Variants in BRSK2 observed in about 807,000 individuals in gnomAD.
The protein encoded by BRSK2 is BR serine/threonine kinase 2.
In BRSK2, 19 loss-of-function variants were observed where a neutral mutation model predicts 83.3. The ratio of observed to expected loss-of-function variants is 0.23; its 90% CI spans 0.16 to 0.33. The LOEUF is 0.33. BRSK2 is among the 10% of genes least tolerant of loss of function. The pLI is 1.00. For synonymous variants in BRSK2, 519 were observed against 435.4 expected (o/e 1.19, Z -2.39); for missense variants, 798 against 1,042.3 (o/e 0.77, Z 3.23).
chr11:1,425,716 G>A (rs968946924), intron 1 of BRSK2, among the ~76,000 whole-genome samples: 1 of 152,160 alleles, frequency 6.6e-6, no homozygotes, highest in East Asian at 1.9e-4. Flanking sequence ...CTGGCCTTGG[G>A]GTAGATGAGC....
At chr11:1,429,413 C>T (rs1341380590) in intron 1 of BRSK2, among the ~76,000 whole-genome samples, 1 of 149,776 alleles carries the variant, frequency 6.7e-6, no homozygotes, top group Non-Finnish European at 1.5e-5. Flanking sequence ...CAGGGGTGTG[C>T]ACGCATGGAG....
chr11:1,445,924 G>A lies in BRSK2; in HGVS notation c.1226+17G>A. On this transcript the variant is annotated intron_variant, in intron 12 of 19. Coordinates refer to ENST00000528841, the MANE Select transcript of BRSK2 (RefSeq NM_001256627.2). ...CGGCCAGAGGTGTGTGTGCCCCGAG[G>A]CTGCTGGGCCTCCCTCCCTGGGCCC... The A allele has an allele frequency of 6.3e-7, 1 of 1,592,540 alleles. No homozygotes were observed. The highest frequency in any genetic ancestry group is 2.2e-5 in the East Asian group (1 of 44,446).
At chr11:1,401,741 C>T (rs958137152) in intron 1 of BRSK2, among the ~76,000 whole-genome samples, 4 of 152,242 alleles carry the variant, frequency 2.6e-5, no homozygotes, top group Non-Finnish European at 4.4e-5. Context: ...AGGAAAGGAC[C>T]TTATGCCCTG....
chr11:1,447,369 C>T (rs563902041), intron 12 of BRSK2, among the ~76,000 whole-genome samples: 191 of 152,268 alleles, frequency 1.3e-3, no homozygotes, highest in Middle Eastern at 0.01. Flanking sequence ...CGTGGGAGGC[C>T]GCCCTCTTGG....
intron 1 of BRSK2, among the ~76,000 whole-genome samples, chr11:1,419,949 TTCCTGAGGACTGGTGC>T (rs146200692): frequency 0.034 from 5,224 of 152,340 alleles, 121 homozygotes; most frequent in Middle Eastern, 0.12. Flanking sequence ...AAATCCTGAT[TTCCTGAGGACTGGTGC>T]TCCCGATTCT....
At chr11:1,415,944 T>C (rs1406905845) in intron 1 of BRSK2, among the ~76,000 whole-genome samples, 1 of 152,234 alleles carries the variant, frequency 6.6e-6, no homozygotes, top group Non-Finnish European at 1.5e-5. Flanking sequence ...TTTTCTGTGA[T>C]GTAGGTTTTT....
intron 3 of BRSK2, among the ~76,000 whole-genome samples, chr11:1,440,357 G>A (rs921653391): frequency 1.3e-5 from 2 of 152,118 alleles, no homozygotes; most frequent in Admixed American, 6.5e-5. Flanking sequence ...ATGCGGCTGC[G>A]TGGTCTCCCT....
rs570095082 is a variant in BRSK2, at chr11:1,450,885, C to T, written c.1495+91C>T. The T allele has an allele frequency of 6.5e-4, 826 of 1,270,392 alleles. 1 individual carries two copies. The African/African-American group carries it at 0.011, about 17-fold the overall frequency. 78.7% of individuals were successfully genotyped at this position (1,270,392 alleles called of 1,614,324 possible). On this transcript the variant is annotated intron_variant, in intron 14 of 19. Coordinates refer to ENST00000528841, the MANE Select transcript of BRSK2 (RefSeq NM_001256627.2). ...CCCGCCCGGCAGTGCCAGACCAGTC[C>T]GAGGGGCCTGTAGCTGCAGGGGTGG...
chr11:1,460,580 A>C lies in BRSK2; in HGVS notation c.2068A>C (p.Ser690Arg), dbSNP rs1211251786. Residue 690 changes from serine to arginine, a missense_variant, in exon 20 of 20, where the codon AGC (serine) becomes CGC (arginine). Physicochemically the swap from Ser to Arg is moderately radical, Grantham distance 110. Transcript: ENST00000528841. ...EKNGQAAQAP[S>R]TPAKRSAHGP... ...GAACGGGCAGGCGGCCCAGGCCCCC[A>C]GCACGCCCGCCAAGCGGAGTGCCCA... is the stretch of plus-strand genomic sequence containing the variant. The C allele has an allele frequency of 3.3e-6, 5 of 1,529,972 alleles. No homozygotes were observed. The highest frequency in any genetic ancestry group is 4.4e-6 in the Non-Finnish European group (5 of 1,144,922). 94.8% of individuals were successfully genotyped at this position (1,529,972 alleles called of 1,614,324 possible).
At chr11:1,392,005 T>G (rs4881750) in intron 1 of BRSK2, among the ~76,000 whole-genome samples, 70,431 of 151,874 alleles carry the variant, frequency 0.46, 17,497 homozygotes, top group Non-Finnish European at 0.58. Context: ...CTGAGAGAGA[T>G]ATTTAGAAAA....
chr11:1,392,532 G>A lies in BRSK2; in HGVS notation c.91+2157G>A, dbSNP rs138897473. 1.9e-4 allele frequency among the ~76,000 whole-genome samples: 29 copies of A among 152,334 alleles called. No homozygotes were observed. The East Asian group carries it at 3.9e-3, about 20-fold the overall frequency. On this transcript the variant is annotated intron_variant, in intron 1 of 19. Transcript: ENST00000528841. The stretch of plus-strand genomic sequence containing the variant: ...ACTTGAGGTGGCCACTGAGAGGGAG[G>A]TGGTCAGTGGCAGTGGCAGTGAGCC...
Position 1,454,701 on chromosome 11 carries a change from T to C in BRSK2, c.1668+93T>C, listed in dbSNP as rs541789987. 8 of 1,502,030 alleles carry C rather than the reference T, an allele frequency of 5.3e-6. No individual in the cohort carries two copies. The highest frequency in any genetic ancestry group is 3.6e-5 in the Admixed American group (2 of 56,004). 93.0% of individuals were successfully genotyped at this position (1,502,030 alleles called of 1,614,324 possible). ...CCAGCCTCCTCACGTAGACAGGACATGTCCACGCGCACAGCACGGACGTCC... is the reference window on the plus strand; with the variant it reads ...CCAGCCTCCTCACGTAGACAGGACACGTCCACGCGCACAGCACGGACGTCC... On this transcript the variant is annotated intron_variant, in intron 16 of 19. Coordinates refer to ENST00000528841, the MANE Select transcript of BRSK2 (RefSeq NM_001256627.2). This position sits in a 1 kb window ranked among gnomAD's most constrained non-coding sequence, Gnocchi z 5.2.
intron 1 of BRSK2, among the ~76,000 whole-genome samples, chr11:1,412,912 G>T (rs903926396): frequency 2.7e-5 from 4 of 150,212 alleles, no homozygotes; most frequent in African/African-American, 1.0e-4. Flanking sequence ...ACTCGCATGG[G>T]ACGGGACCGC....
chr11:1,402,286 G>A (rs531979893), intron 1 of BRSK2, among the ~76,000 whole-genome samples: 12 of 152,318 alleles, frequency 7.9e-5, no homozygotes, highest in Admixed American at 6.5e-4. Context: ...CGCACTCCTG[G>A]GAGCCCTTTG....
rs371468302 is a variant in BRSK2 at position 1,454,482 on chromosome 11, C to T, written c.1545-3C>T. On this transcript the variant is annotated splice_region_variant and splice_polypyrimidine_tract_variant and intron_variant, in intron 15 of 19. Coordinates refer to ENST00000528841, the MANE Select transcript of BRSK2 (RefSeq NM_001256627.2). This position sits in a 1 kb window ranked among gnomAD's most constrained non-coding sequence, Gnocchi z 5.2. ...CTCACAGCCTCTGTCTCCCACTGCC[C>T]AGGCTGGCGAAGAAGTCCTGGTTTG... The T allele has an allele frequency of 5.0e-6, 8 of 1,612,920 alleles. No individual in the cohort carries two copies. In the East Asian group the frequency reaches 1.1e-4, roughly 22 times the overall value.
At chr11:1,442,167 C>T (rs1851432970) in intron 4 of BRSK2, among the ~76,000 whole-genome samples, 1 of 151,736 alleles carries the variant, frequency 6.6e-6, no homozygotes, top group African/African-American at 2.4e-5. Context: ...CCATTGCTTG[C>T]ATCCCTACGT....
chr11:1,436,854 G>A (rs555303525), intron 2 of BRSK2, among the ~76,000 whole-genome samples: 6 of 152,276 alleles, frequency 3.9e-5, no homozygotes, highest in East Asian at 1.9e-4. Context: ...ACCCGGGGAC[G>A]AGGCCAGTGG....
At chr11:1,441,146 A>T (rs1340876742) in intron 4 of BRSK2, among the ~76,000 whole-genome samples, 1 of 85,126 alleles carries the variant, frequency 1.2e-5, no homozygotes, top group African/African-American at 5.0e-5. Flanking sequence ...CCTCAAGTGC[A>T]CCGTCCCCCC....
intron 19 of BRSK2, among the ~76,000 whole-genome samples, chr11:1,459,782 ACT>A (rs1435851161): frequency 2.0e-5 from 3 of 151,752 alleles, no homozygotes; most frequent in African/African-American, 4.8e-5. Flanking sequence ...CCGGGACATG[ACT>A]CTAGCTGCTT....
Sources: allele counts gnomAD v4.1 joint callset (sites outside exome capture counted in the v4.1 genomes callset), GRCh38; gene constraint gnomAD v4.1.1; non-coding constraint Gnocchi (gnomAD v3.1); transcripts MANE v1.5; gene names NCBI Gene and HGNC (gene_info 2026-07-23, HGNC 2026-07-21).